The following NMD3 variants were observed in gnomAD, a reference collection of about 807,000 sequenced individuals.
NMD3 encodes NMD3 ribosome export adaptor, also known as 60S ribosomal export protein NMD3.
Under a neutral mutation model 73.1 loss-of-function variants are expected in NMD3, and 47 were observed. That is an observed-to-expected ratio of 0.64 (90% CI 0.51 to 0.82). The LOEUF (loss-of-function observed/expected upper bound fraction) is 0.82. Ranked by LOEUF, NMD3 falls within the 40% of genes least tolerant of loss-of-function variation. The pLI is 0.00. For synonymous variants in NMD3, 210 were observed against 194.5 expected, an observed-to-expected ratio of 1.08 and a Z score of -0.66; for missense variants, 554 against 612.5, an observed-to-expected ratio of 0.90 and a Z score of 1.01.
chr3:161,223,033 G>A (rs999063488), intron 2 of NMD3: 1 of 152,192 alleles, frequency 6.6e-6, no homozygotes, highest in Non-Finnish European at 1.5e-5. Flanking sequence ...AGGGCTCAAA[G>A]CCCTTCACAG....
At chr3:161,252,750 T>C (rs1330541871), downstream of NMD3, 3 of 673,054 alleles carry the variant, frequency 4.5e-6, no homozygotes, top group Middle Eastern at 2.6e-4. Context: ...CAAGTCATTA[T>C]GACCATTTTT....
At chr3:161,244,702 G>A (rs893985553) in intron 11 of NMD3, among the ~76,000 whole-genome samples, 2 of 144,650 alleles carry the variant, frequency 1.4e-5, no homozygotes, top group Non-Finnish European at 1.5e-5. Context: ...GGAGTTCAAT[G>A]GTATGATCAT....
intron 5 of NMD3, among the ~76,000 whole-genome samples, chr3:161,233,707 G>T (rs1736629338): frequency 6.6e-6 from 1 of 152,148 alleles, no homozygotes; most frequent in South Asian, 2.1e-4. Context: ...TATTAGGAAA[G>T]GATTGAAGTA....
chr3:161,250,794 G>A lies in NMD3; in HGVS notation c.1396G>A (p.Val466Met), dbSNP rs1300549773. Residue 466 changes from valine to methionine, a missense_variant, in exon 16 of 16, where the codon GTG (valine) becomes ATG (methionine). By Grantham distance (21) the Val-to-Met change is conservative. Coordinates refer to ENST00000351193, the MANE Select transcript of NMD3 (RefSeq NM_015938.5). The stretch of plus-strand genomic sequence containing the variant: ...TATTTTTTTAGATTCAGCCATCCCT[G>A]TGGAAAGTGACACCGATGATGAAGG... The part of the protein sequence containing the change: ...VNIYRDSAIP[V>M]ESDTDDEGAP... 1.9e-6 allele frequency: 3 copies of A among 1,608,590 alleles called. No homozygotes were observed. Among genetic ancestry groups the A allele is most frequent in the Non-Finnish European group, 2.6e-6 (3 of 1,175,860 alleles).
chr3:161,240,091 T>TA (rs979187631), intron 9 of NMD3, among the ~76,000 whole-genome samples: 6 of 152,222 alleles, frequency 3.9e-5, no homozygotes, highest in Non-Finnish European at 7.3e-5. Flanking sequence ...TTAAACTATG[T>TA]AAAAAAGTAT....
intron 10 of NMD3, among the ~76,000 whole-genome samples, chr3:161,242,277 G>C (rs1013626109): frequency 2.6e-5 from 4 of 151,972 alleles, no homozygotes; most frequent in Non-Finnish European, 4.4e-5. Flanking sequence ...TGGCATTCTG[G>C]TTATAGTAAC....
Position 161,233,414 on chromosome 3 carries a change from G to T in NMD3, c.292G>T (p.Ala98Ser). The T allele has an allele frequency of 6.2e-7, 1 of 1,608,738 alleles. No individual in the cohort carries two copies. The highest frequency in any genetic ancestry group is 8.5e-7 in the Non-Finnish European group (1 of 1,176,986). The change falls in exon 5 of 16, where the codon GCA (alanine) becomes TCA (serine). Residue 98 changes from alanine (A) to serine (S), a missense_variant. By Grantham distance (99) the Ala-to-Ser change is moderately conservative (BLOSUM62 1). Transcript: ENST00000351193. ...APLSKVRLVD[A>S]GFVWTEPHSK... ...TTTATTGAAGGTACGGCTTGTAGAT[G>T]CAGGCTTTGTTTGGACTGAGCCTCA...
chr3:161,238,497 A>C (rs1028192362), intron 8 of NMD3, among the ~76,000 whole-genome samples: 2 of 152,188 alleles, frequency 1.3e-5, no homozygotes, highest in Non-Finnish European at 2.9e-5. Flanking sequence ...GGTCTGAGCC[A>C]ACAGCATGTT....
At position 161,221,988 on chromosome 3, in the gene NMD3, T is replaced by TA. The variant is rs1553789114; in HGVS notation, c.-20-2dup. On this transcript the variant is annotated splice_region_variant and splice_polypyrimidine_tract_variant and intron_variant, in intron 1 of 15. Transcript: ENST00000351193. ...TTTTTTTTTTTTTTTTTTTTTTTTT[T>TA]AAAAGAACTTAAGGCATACAGAACG... 61 of 1,192,694 alleles carry TA rather than the reference T, an allele frequency of 5.1e-5. 2 individuals carry two copies. In the Admixed American group the frequency reaches 6.1e-4, roughly 12 times the overall value. 73.9% of individuals were successfully genotyped at this position (1,192,694 alleles called of 1,614,324 possible). A position where few individuals can be genotyped will look rare whatever the true frequency, so the allele number is the denominator to read the frequency against.
intron 14 of NMD3, among the ~76,000 whole-genome samples, chr3:161,249,947 A>C (rs1737413167): frequency 6.6e-6 from 1 of 152,218 alleles, no homozygotes; most frequent in African/African-American, 2.4e-5. Context: ...TATCACAAAT[A>C]GCAGATGAGT....
intron 15 of NMD3, 137 bp from the exon 16 acceptor site, chr3:161,250,643 G>C: frequency 3.3e-6 from 2 of 605,266 alleles, no homozygotes; most frequent in Non-Finnish European, 5.6e-6. Context: ...ACTGCTGTAA[G>C]AGACAAGAGC....
At chr3:161,225,142 A>G in intron 3 of NMD3, 78 bp downstream of exon 3, 2 of 1,461,094 alleles carry the variant, frequency 1.4e-6, no homozygotes, top group Non-Finnish European at 1.9e-6. Flanking sequence ...CTGAGATTAC[A>G]CGAAGGTATA....
chr3:161,241,031 A>C lies in NMD3; in HGVS notation c.754-15A>C, dbSNP rs751441090. On this transcript the variant is annotated splice_polypyrimidine_tract_variant and intron_variant, in intron 9 of 15. Coordinates refer to ENST00000351193, the MANE Select transcript of NMD3 (RefSeq NM_015938.5). ...TAGGATATGCCTCATTCTAAATGTTAGTTCTTATGCCTAGGATAATGTTGT... is the reference window on the plus strand; with the variant it reads ...TAGGATATGCCTCATTCTAAATGTTCGTTCTTATGCCTAGGATAATGTTGT... The C allele has an allele frequency of 6.6e-7, 1 of 1,504,160 alleles. No individual in the cohort carries two copies. Among genetic ancestry groups the C allele is most frequent in the Non-Finnish European group, 9.2e-7 (1 of 1,082,446 alleles). The allele number at this position is 1,504,160 out of a possible 1,614,324, so 93.2% of individuals were successfully genotyped here. A position where few individuals can be genotyped will look rare whatever the true frequency, so the allele number is the denominator to read the frequency against.
rs189063822 is a variant in NMD3 at position 161,234,302 on chromosome 3, G to A, written c.358-425G>A. On this transcript the variant is annotated intron_variant, in intron 5 of 15. Coordinates refer to ENST00000351193, the MANE Select transcript of NMD3 (RefSeq NM_015938.5). ...CTAAAAATACAAAAGTTAGCTGGAC[G>A]TGGTGGTGTGTGCTACTTGGGAGGC... Among the ~76,000 whole-genome samples, 1,518 of 151,850 alleles carry A rather than the reference G, an allele frequency of 1.0e-2. 30 individuals are homozygous for A. The highest frequency in any genetic ancestry group is 0.034 in the African/African-American group (1,422 of 41,438).
intron 11 of NMD3, among the ~76,000 whole-genome samples, chr3:161,244,639 C>CTTTTTTTTTTTTT (rs11336851): frequency 7.8e-6 from 1 of 128,854 alleles, no homozygotes; most frequent in East Asian, 2.2e-4. Context: ...ATTTCTTTTC[C>CTTTTTTTTTTTTT]TTTTTTTTTT....
At chr3:161,226,809 G>A (rs1736335707) in intron 3 of NMD3, among the ~76,000 whole-genome samples, 1 of 152,162 alleles carries the variant, frequency 6.6e-6, no homozygotes, top group African/African-American at 2.4e-5. Flanking sequence ...TGAATAGACT[G>A]AACTATTGCT....
intron 7 of NMD3, among the ~76,000 whole-genome samples, chr3:161,235,920 A>G (rs1736738875): frequency 6.6e-6 from 1 of 151,998 alleles, no homozygotes; most frequent in Non-Finnish European, 1.5e-5. Flanking sequence ...TAGACTAGCT[A>G]CTTTTATCTA....
At chr3:161,234,301 C>T (rs1055210977) in intron 5 of NMD3, among the ~76,000 whole-genome samples, 1 of 151,644 alleles carries the variant, frequency 6.6e-6, no homozygotes, top group Non-Finnish European at 1.5e-5. Context: ...GTTAGCTGGA[C>T]GTGGTGGTGT....
At chr3:161,252,442 TACTC>T (rs965789052), downstream of NMD3, 14 of 159,524 alleles carry the variant, frequency 8.8e-5, no homozygotes, top group Non-Finnish European at 1.1e-4. Flanking sequence ...TATTTAGTCT[TACTC>T]ATTTATTTAG....
Sources: allele counts gnomAD v4.1 joint callset (sites outside exome capture counted in the v4.1 genomes callset), GRCh38; gene constraint gnomAD v4.1.1; transcripts MANE v1.5; gene names NCBI Gene and HGNC (gene_info 2026-07-23, HGNC 2026-07-21).